The following DNAH6 variants were observed in gnomAD, a reference collection of about 807,000 sequenced individuals.
The protein encoded by DNAH6 is axonemal beta dynein heavy chain 6.
Under a neutral mutation model 491.4 loss-of-function variants are expected in DNAH6, and 340 were observed. That is an observed-to-expected ratio of 0.69 (90% confidence interval 0.63 to 0.76). The LOEUF (loss-of-function observed/expected upper bound fraction) is 0.76, where lower values mean the gene tolerates loss of function less well. Among genes scored for constraint, DNAH6 ranks in the 30% least tolerant of loss-of-function variants. The probability of loss-of-function intolerance (pLI) is 0.00; values close to 1 mark genes in which losing one functional copy is unlikely to be tolerated. For synonymous variants in DNAH6, 1,603 were observed against 1,686.1 expected (o/e 0.95, Z 1.21); for missense variants, 4,443 against 4,972.2 (o/e 0.89, Z 3.20).
the DNAH6 span, among the ~76,000 whole-genome samples, chr2:84,465,668 C>T: frequency 3.3e-5 from 5 of 152,124 alleles, no homozygotes; most frequent in African/African-American, 7.2e-5. Context: ...CAAGCTGATA[C>T]GGGGTTGCTA....
chr2:84,715,230 C>T (rs1182384778), intron 57 of DNAH6, among the ~76,000 whole-genome samples: 3 of 152,128 alleles, frequency 2.0e-5, no homozygotes, highest in African/African-American at 7.2e-5. Context: ...ATGACACAGT[C>T]ACTAAAGGGT....
rs577457211 is a variant in DNAH6 at position 84,784,770 on chromosome 2, G to A, written c.10913G>A (p.Ser3638Asn). The A allele has an allele frequency of 6.4e-7, 1 of 1,550,628 alleles. No homozygotes were observed. The highest frequency in any genetic ancestry group is 1.2e-5 in the South Asian group (1 of 84,046). The part of the protein sequence containing the change: ...TFRLFLSSMP[S>N]NTFPVTVLQN... Reference sequence around the variant, plus strand: ...CGACTTTTTTTAAGCTCCATGCCTAGTAATACATTTCCTGTTACAGTTCTT... The same window carrying A: ...CGACTTTTTTTAAGCTCCATGCCTAATAATACATTTCCTGTTACAGTTCTT... Residue 3638 changes from serine (S) to asparagine (N), a missense_variant, in exon 66 of 77, where the codon AGT (serine) becomes AAT (asparagine). Around this residue, in one of 3 missense-constraint regions of DNAH6, gnomAD observed 1,463 missense variants for 1,656.6 expected, o/e 0.88. Transcript: ENST00000389394.
intron 63 of DNAH6, among the ~76,000 whole-genome samples, chr2:84,749,806 A>G (rs1341509851): frequency 6.6e-6 from 1 of 152,252 alleles, no homozygotes; most frequent in Non-Finnish European, 1.5e-5. Flanking sequence ...TTCCAAATAA[A>G]GACATTGAAG....
chr2:84,530,916 C>T (rs1247502862), intron 4 of DNAH6, among the ~76,000 whole-genome samples: 4 of 152,102 alleles, frequency 2.6e-5, no homozygotes, highest in Admixed American at 2.6e-4. Context: ...ATTTAGAAAG[C>T]TTATTTTGCC....
chr2:84,769,460 C>T (rs1332684713), intron 64 of DNAH6, among the ~76,000 whole-genome samples: 1 of 152,186 alleles, frequency 6.6e-6, no homozygotes, highest in Non-Finnish European at 1.5e-5. Flanking sequence ...CAAGTGAATG[C>T]TTAATAAAGA....
At chr2:84,682,630 A>G (rs1573470591) in intron 42 of DNAH6, among the ~76,000 whole-genome samples, 1 of 152,102 alleles carries the variant, frequency 6.6e-6, no homozygotes, top group Non-Finnish European at 1.5e-5. Context: ...CACCTTGGCC[A>G]TGCATACCCC....
At chr2:84,577,130 G>A (rs1434143891) in intron 12 of DNAH6, 127 bp from the exon 13 acceptor site, 9 of 518,096 alleles carry the variant, frequency 1.7e-5, no homozygotes, top group Admixed American at 4.1e-5. Flanking sequence ...GATACTCTAA[G>A]TACAGATAAT....
chr2:84,786,059 A>G (rs1677143984), intron 67 of DNAH6, among the ~76,000 whole-genome samples: 1 of 152,166 alleles, frequency 6.6e-6, no homozygotes, highest in Admixed American at 6.5e-5. Flanking sequence ...TTACTATATT[A>G]GCTTCCCAGT....
Position 84,588,827 on chromosome 2 carries a change from A to G in DNAH6, c.2483A>G (p.Asp828Gly), listed in dbSNP as rs988368748. The change falls in exon 16 of 77, where the codon GAT becomes GGT. Residue 828 changes from aspartate (D) to glycine (G), a missense_variant and splice_region_variant. Physicochemically the swap from Asp to Gly is moderately conservative, Grantham distance 94 (BLOSUM62 -1). Coordinates refer to ENST00000389394, the MANE Select transcript of DNAH6 (RefSeq NM_001370.2). ...EVNEVKLQAQ[D>G]PQILDISADQ... The stretch of plus-strand genomic sequence containing the variant: ...CCAAAAACTGTCTTAAATTTATAGG[A>G]TCCACAGATTTTAGATATCTCTGCT... 1.9e-5 allele frequency: 29 copies of G among 1,535,700 alleles called. No individual in the cohort carries two copies. The highest frequency in any genetic ancestry group is 4.2e-5 in the African/African-American group (3 of 72,018).
chr2:84,726,971 G>GGT (rs764625859), intron 60 of DNAH6, among the ~76,000 whole-genome samples: 2 of 151,964 alleles, frequency 1.3e-5, no homozygotes, highest in Non-Finnish European at 1.5e-5. Context: ...TAGGAAACAA[G>GGT]GTAGAAATCT....
chr2:84,571,514 A>T (rs1219562448), intron 11 of DNAH6, among the ~76,000 whole-genome samples: 1 of 152,202 alleles, frequency 6.6e-6, no homozygotes, highest in South Asian at 2.1e-4. Context: ...GAGTCTAATC[A>T]TGAGGAAATA....
chr2:84,646,292 A>G (rs948431113), intron 33 of DNAH6, among the ~76,000 whole-genome samples: 1 of 151,988 alleles, frequency 6.6e-6, no homozygotes, highest in Non-Finnish European at 1.5e-5. Flanking sequence ...CCATTCTCCC[A>G]TCTCTCTCCT....
intron 52 of DNAH6, 142 bp from the exon 53 acceptor site, chr2:84,706,749 ATTTGT>A: frequency 1.2e-6 from 1 of 842,122 alleles, no homozygotes; most frequent in Non-Finnish European, 1.7e-6. Flanking sequence ...TCTAATTTAT[ATTTGT>A]TTTAACTTTA....
chr2:84,795,525 AT>A (rs1189416969), intron 68 of DNAH6, among the ~76,000 whole-genome samples: 19 of 152,318 alleles, frequency 1.2e-4, no homozygotes, highest in Non-Finnish European at 2.4e-4. Flanking sequence ...TCTTCCTGAC[AT>A]GATGGAAGAA....
chr2:84,752,495 C>T (rs1673561860), intron 63 of DNAH6, among the ~76,000 whole-genome samples: 2 of 151,664 alleles, frequency 1.3e-5, no homozygotes, highest in Admixed American at 6.6e-5. Flanking sequence ...TACAATTCAC[C>T]CATTTAAGAT....
At chr2:84,484,149 A>G in the DNAH6 span, among the ~76,000 whole-genome samples, 4 of 152,178 alleles carry the variant, frequency 2.6e-5, no homozygotes, top group East Asian at 1.9e-4. Context: ...TTGCTTTTCT[A>G]TTCCTGTCAG....
intron 10 of DNAH6, 87 bp downstream of exon 10, chr2:84,553,121 G>T: frequency 1.4e-6 from 1 of 733,842 alleles, no homozygotes; most frequent in Non-Finnish European, 2.3e-6. Flanking sequence ...TGTCAGAATT[G>T]CAGTTGTCAC....
intron 70 of DNAH6, among the ~76,000 whole-genome samples, chr2:84,798,611 G>GACAGGCCCCACCACCACTGCT (rs1678563716): frequency 6.6e-6 from 1 of 152,316 alleles, no homozygotes; most frequent in South Asian, 2.1e-4. Flanking sequence ...CATGCCTCAA[G>GACAGGCCCCACCACCACTGCT]ACAGGCCCCA....
At chr2:84,517,356 A>G (rs1313717786) in intron 1 of DNAH6, among the ~76,000 whole-genome samples, 7 of 152,248 alleles carry the variant, frequency 4.6e-5, no homozygotes, top group African/African-American at 1.7e-4. Flanking sequence ...GTAAGAAATT[A>G]GCCCTCAATT....
Sources: gnomAD v4.1 joint callset for allele counts (sites outside exome capture counted in the v4.1 genomes callset) on GRCh38, gnomAD v4.1.1 for gene constraint, gnomAD v4.1.1 regional missense constraint, MANE v1.5 for transcripts, NCBI Gene and HGNC (gene_info 2026-07-23, HGNC 2026-07-21) for gene names.